Variants in SYNDIG1 observed in about 807,000 individuals in gnomAD.
SYNDIG1 encodes synapse differentiation-inducing gene protein 1.
In SYNDIG1, 9 loss-of-function variants were observed where a neutral mutation model predicts 19.4. The observed-to-expected ratio is 0.46, with a 90% CI of 0.28 to 0.81. The LOEUF is 0.81. Among genes scored for constraint, SYNDIG1 ranks in the 30% least tolerant of loss-of-function variants. The probability of loss-of-function intolerance (pLI) is 0.12; values close to 1 mark genes in which losing one functional copy is unlikely to be tolerated. For missense variants in SYNDIG1, 311 were observed against 343.3 expected (o/e 0.91, Z 0.74); for synonymous variants, 141 against 145.9 (o/e 0.97, Z 0.24).
rs2057511224 is a variant in SYNDIG1, at chr20:24,543,482, C to A, written c.385C>A (p.Pro129Thr). The A allele has an allele frequency of 6.2e-7, 1 of 1,613,002 alleles. No homozygotes were observed. The highest frequency in any genetic ancestry group is 1.3e-5 in the African/African-American group (1 of 74,906). ...RSPTKDSLEYPDGKFIDLSAD... is the reference protein window; with the variant it reads ...RSPTKDSLEYTDGKFIDLSAD... The stretch of plus-strand genomic sequence containing the variant: ...GCCCACCAAAGACAGCCTCGAGTAC[C>A]CGGATGGGAAGTTCATTGACCTCTC... Residue 129 changes from proline (P) to threonine (T), a missense_variant, in exon 2 of 4, where the codon CCG (proline) becomes ACG (threonine). By Grantham distance (38) the Pro-to-Thr change is conservative. Transcript: ENST00000376862.
At chr20:24,650,338 G>T (rs961382143) in intron 3 of SYNDIG1, among the ~76,000 whole-genome samples, 1 of 152,218 alleles carries the variant, frequency 6.6e-6, no homozygotes, top group Admixed American at 6.5e-5. Flanking sequence ...CTGCAAGTTT[G>T]CCAGCTGCGC....
At chr20:24,510,601 TC>T (rs199783667) in intron 1 of SYNDIG1, among the ~76,000 whole-genome samples, 2,311 of 152,108 alleles carry the variant, frequency 0.015, 27 homozygotes, top group Admixed American at 0.025. Context: ...GAAATATTTT[TC>T]TCTGTTTGAG....
At chr20:24,647,714 T>C (rs1045396383) in intron 3 of SYNDIG1, among the ~76,000 whole-genome samples, 9 of 151,606 alleles carry the variant, frequency 5.9e-5, no homozygotes, top group African/African-American at 2.2e-4. Flanking sequence ...GAAAGTGCCC[T>C]TTTTCATTTG....
rs116502313 is a variant in SYNDIG1 at position 24,625,057 on chromosome 20, G to A, written c.618+40064G>A. Among the ~76,000 whole-genome samples the A allele has an allele frequency of 2.4e-3, 361 of 152,216 alleles. 1 individual carries two copies. The highest frequency in any genetic ancestry group is 8.6e-3 in the African/African-American group (358 of 41,542). Reference sequence around the variant, plus strand: ...ATGTAGTTAAAGCAATGTTTAAAGGGAAATTTATAGCATTAAATGCATATC... The same window carrying A: ...ATGTAGTTAAAGCAATGTTTAAAGGAAAATTTATAGCATTAAATGCATATC... On this transcript the variant is annotated intron_variant, in intron 3 of 3. Transcript: ENST00000376862.
intron 3 of SYNDIG1, among the ~76,000 whole-genome samples, chr20:24,634,482 AGT>A: frequency 6.6e-6 from 1 of 152,246 alleles, no homozygotes; most frequent in South Asian, 2.1e-4. Context: ...AGTCCGTACC[AGT>A]TTTCATTCCT....
intron 1 of SYNDIG1, among the ~76,000 whole-genome samples, chr20:24,528,974 G>C (rs2057184509): frequency 6.6e-6 from 1 of 152,178 alleles, no homozygotes; most frequent in Non-Finnish European, 1.5e-5. Flanking sequence ...CTCAGAGAGA[G>C]TGTGAGTGCA....
At chr20:24,592,892 T>A (rs920754862) in intron 3 of SYNDIG1, among the ~76,000 whole-genome samples, 3 of 152,094 alleles carry the variant, frequency 2.0e-5, no homozygotes, top group African/African-American at 7.2e-5. Flanking sequence ...GGATTACAGG[T>A]GTGAGCCACC....
chr20:24,582,380 C>A (rs1011067210), intron 2 of SYNDIG1, among the ~76,000 whole-genome samples: 1 of 139,336 alleles, frequency 7.2e-6, no homozygotes, highest in African/African-American at 2.7e-5. Context: ...TGGCCTCCCC[C>A]CATATGTCCT....
rs530043338 is a variant in SYNDIG1, at chr20:24,626,219, A to AC, written c.619-39122dup. 9.2e-5 allele frequency among the ~76,000 whole-genome samples: 9 copies of AC among 98,130 alleles called. No homozygotes were observed. In the East Asian group the frequency reaches 2.7e-3, roughly 29 times the overall value. 64.4% of individuals were successfully genotyped at this position (98,130 alleles called of 152,430 possible). ...GGGGCGGCTGGCCTGGCGGGGGCTG[A>AC]CCCCCACCTCCCTCCCGGACAGGGT... On this transcript the variant is annotated intron_variant, in intron 3 of 3. Coordinates refer to ENST00000376862, the MANE Select transcript of SYNDIG1 (RefSeq NM_024893.3).
intron 3 of SYNDIG1, among the ~76,000 whole-genome samples, chr20:24,610,723 G>A (rs1057001485): frequency 1.3e-5 from 2 of 152,194 alleles, no homozygotes; most frequent in Non-Finnish European, 2.9e-5. Flanking sequence ...CTGGAGGGAG[G>A]CAGAGCCCTT....
chr20:24,661,976 C>T (rs993392389), intron 3 of SYNDIG1, among the ~76,000 whole-genome samples: 12 of 152,054 alleles, frequency 7.9e-5, no homozygotes, highest in African/African-American at 2.4e-4. Context: ...TTGACTTTGT[C>T]CCTCCACAAA....
intron 2 of SYNDIG1, among the ~76,000 whole-genome samples, chr20:24,557,875 C>T (rs1464272270): frequency 1.3e-5 from 2 of 152,200 alleles, no homozygotes; most frequent in African/African-American, 2.4e-5. Context: ...TCTTCTGCGT[C>T]GCTCATGCTA....
At chr20:24,569,857 G>A (rs1396771955) in intron 2 of SYNDIG1, among the ~76,000 whole-genome samples, 1 of 152,074 alleles carries the variant, frequency 6.6e-6, no homozygotes, top group African/African-American at 2.4e-5. Flanking sequence ...TGATAAAGTT[G>A]GTGCGGTAAA....
intron 3 of SYNDIG1, among the ~76,000 whole-genome samples, chr20:24,609,265 A>G (rs924383051): frequency 1.3e-5 from 2 of 152,204 alleles, no homozygotes; most frequent in Non-Finnish European, 2.9e-5. Context: ...AGAGCATAGC[A>G]AATGCCAAAT....
At chr20:24,487,585 C>A (rs1160875979) in intron 1 of SYNDIG1, among the ~76,000 whole-genome samples, 1 of 152,160 alleles carries the variant, frequency 6.6e-6, no homozygotes, top group African/African-American at 2.4e-5. Context: ...AGAAATGAAT[C>A]CGTGTCCACA....
At chr20:24,573,047 C>A (rs2058170051) in intron 2 of SYNDIG1, among the ~76,000 whole-genome samples, 1 of 152,154 alleles carries the variant, frequency 6.6e-6, no homozygotes, top group Non-Finnish European at 1.5e-5. Flanking sequence ...TGAAGTTTTA[C>A]CCACTGCTCT....
At chr20:24,487,255 A>T (rs2055993780) in intron 1 of SYNDIG1, among the ~76,000 whole-genome samples, 1 of 152,228 alleles carries the variant, frequency 6.6e-6, no homozygotes, top group African/African-American at 2.4e-5. Context: ...AATTTGTCTT[A>T]TGTAACAATA....
chr20:24,553,009 G>C (rs1361582778), intron 2 of SYNDIG1, among the ~76,000 whole-genome samples: 29 of 151,796 alleles, frequency 1.9e-4, no homozygotes, highest in African/African-American at 7.0e-4. Context: ...ATTCTAACTG[G>C]TGTGAGATGG....
At chr20:24,542,349 G>T (rs903674590) in intron 1 of SYNDIG1, among the ~76,000 whole-genome samples, 1 of 152,194 alleles carries the variant, frequency 6.6e-6, no homozygotes, top group Non-Finnish European at 1.5e-5. Context: ...AGACTCATCA[G>T]CTGGGATCGT....
Sources: gnomAD v4.1 joint callset for allele counts (sites outside exome capture counted in the v4.1 genomes callset) on GRCh38, gnomAD v4.1.1 for gene constraint, MANE v1.5 for transcripts, NCBI Gene and HGNC (gene_info 2026-07-23, HGNC 2026-07-21) for gene names.